The following EDARADD variants were observed in gnomAD, a reference collection of about 807,000 sequenced individuals.
EDARADD encodes EDAR associated via death domain.
Under a neutral mutation model 25.6 loss-of-function variants are expected in EDARADD, and 20 were observed. The observed-to-expected ratio is 0.78, with a 90% CI of 0.55 to 1.14. EDARADD has a LOEUF of 1.14. Among genes scored for constraint, EDARADD ranks in the 50% most tolerant of loss-of-function variants. The pLI, the probability that EDARADD is intolerant of heterozygous loss-of-function variation, is 0.00. For synonymous variants in EDARADD, 86 were observed against 94.4 expected (o/e 0.91, Z 0.52); for missense variants, 225 against 270.1 (o/e 0.83, Z 1.17).
At chr1:236,412,675 G>A (rs886418974) in intron 2 of EDARADD, among the ~76,000 whole-genome samples, 13 of 152,104 alleles carry the variant, frequency 8.5e-5, no homozygotes, top group East Asian at 3.9e-4. Context: ...CCAATTCTCA[G>A]CCATTCTCTA....
chr1:236,447,242 C>CTTTCTTT (rs753028993), intron 4 of EDARADD, among the ~76,000 whole-genome samples: 6 of 88,404 alleles, frequency 6.8e-5, no homozygotes, highest in Non-Finnish European at 1.1e-4. Context: ...TCCTTTCTTT[C>CTTTCTTT]CTTTCTTTCC....
At chr1:236,402,823 A>G (rs1032756243) in intron 1 of EDARADD, among the ~76,000 whole-genome samples, 1 of 152,156 alleles carries the variant, frequency 6.6e-6, no homozygotes, top group African/African-American at 2.4e-5. Context: ...GTGATCTTGG[A>G]TACTCAATGT....
Position 236,468,242 on chromosome 1 carries a change from T to C in EDARADD, c.231T>C (p.Asn77=), listed in dbSNP as rs773065240. The C allele has an allele frequency of 1.2e-6, 2 of 1,614,130 alleles. No individual in the cohort carries two copies. The highest frequency in any genetic ancestry group is 1.3e-5 in the African/African-American group (1 of 75,054). Reference sequence around the variant, plus strand: ...TTTTTGGTTTTTAGGGAGAAGAAAATGGCTTTCCAGATAGCACTGGAGATC... The same window carrying C: ...TTTTTGGTTTTTAGGGAGAAGAAAACGGCTTTCCAGATAGCACTGGAGATC... ...NSDMKNQGEE[N]GFPDSTGDPL... Residue 77 remains asparagine (N), a synonymous_variant, in exon 5 of 6, where the codon AAT becomes AAC. Transcript: ENST00000334232.
intron 1 of EDARADD, among the ~76,000 whole-genome samples, chr1:236,402,616 G>A (rs1293859778): frequency 4.6e-5 from 7 of 151,876 alleles, no homozygotes; most frequent in African/African-American, 1.5e-4. Context: ...TCACTGTGTT[G>A]CCCAGGCTGT....
At chr1:236,405,181 C>T (rs753828919) in intron 1 of EDARADD, among the ~76,000 whole-genome samples, 10 of 152,066 alleles carry the variant, frequency 6.6e-5, no homozygotes, top group Admixed American at 2.6e-4. Flanking sequence ...CCCAGTTCCC[C>T]TCTCACTTCA....
chr1:236,391,032 C>T (rs1485872587), upstream of EDARADD, among the ~76,000 whole-genome samples: 1 of 151,892 alleles, frequency 6.6e-6, no homozygotes, highest in African/African-American at 2.4e-5. Context: ...CTGCAACCTC[C>T]CCCTCCTGGG....
Position 236,395,692 on chromosome 1 carries a change from G to A in EDARADD, c.61+1187G>A, listed in dbSNP as rs532978744. On this transcript the variant is annotated intron_variant, in intron 1 of 5. Transcript: ENST00000334232. The surrounding 1 kb of genome is among the most constrained non-coding windows in gnomAD (Gnocchi z 6.9). ...GGACACAGCGCCGCGCCCGCTCCTG[G>A]AGCGAGCACCGCGGGGCGGGAGCTC... is the stretch of plus-strand genomic sequence containing the variant. 33 of 1,548,086 alleles carry A rather than the reference G, an allele frequency of 2.1e-5. No individual in the cohort carries two copies. Among genetic ancestry groups the A allele is most frequent in the African/African-American group, 1.7e-4 (12 of 72,424 alleles).
chr1:236,355,578 C>T (rs1369580660), intron 3 of EDARADD, among the ~76,000 whole-genome samples: 4 of 135,336 alleles, frequency 3.0e-5, no homozygotes, highest in Admixed American at 1.7e-4. Flanking sequence ...GGCACGATCT[C>T]GGCTCACTGC....
At position 236,482,452 on chromosome 1, in the gene EDARADD, G is replaced by C. The variant is rs1351805089; in HGVS notation, c.451G>C (p.Asp151His). 1 of 1,614,120 alleles carries C rather than the reference G, an allele frequency of 6.2e-7. No homozygotes were observed. Among genetic ancestry groups the C allele is most frequent in the Non-Finnish European group, 8.5e-7 (1 of 1,180,062 alleles). The change falls in exon 6 of 6, where the codon GAC becomes CAC. Residue 151 changes from aspartate (D) to histidine (H), a missense_variant. Transcript: ENST00000334232. ...TGCAAGCAAATGGGGGATGTCCTATGACGAATTGTGCTTCCTGGAGCAGAG... is the reference window on the plus strand; with the variant it reads ...TGCAAGCAAATGGGGGATGTCCTATCACGAATTGTGCTTCCTGGAGCAGAG... ...NFASKWGMSY[D>H]ELCFLEQRPQ...
intron 3 of EDARADD, among the ~76,000 whole-genome samples, chr1:236,355,827 A>G (rs1666970119): frequency 6.6e-6 from 1 of 151,660 alleles, no homozygotes; most frequent in Non-Finnish European, 1.5e-5. Flanking sequence ...TCTCTTCTGG[A>G]CCTCACAGCT....
At chr1:236,359,881 T>C (rs1028327342) in intron 3 of EDARADD, among the ~76,000 whole-genome samples, 1 of 152,226 alleles carries the variant, frequency 6.6e-6, no homozygotes, top group Non-Finnish European at 1.5e-5. Context: ...ACCAGCCTCC[T>C]GTTAGAAATA....
chr1:236,456,132 C>T (rs887184779), intron 4 of EDARADD, among the ~76,000 whole-genome samples: 5 of 152,068 alleles, frequency 3.3e-5, no homozygotes, highest in Admixed American at 6.6e-5. Flanking sequence ...CCCAGGCTGG[C>T]GTGCAGTGGC....
intron 3 of EDARADD, among the ~76,000 whole-genome samples, chr1:236,383,819 C>T (rs138654648): frequency 1.1e-4 from 16 of 152,070 alleles, no homozygotes; most frequent in African/African-American, 3.4e-4. Flanking sequence ...GCCTGGGCAA[C>T]GTAGTGATAC....
chr1:236,390,371 C>T (rs1038186351), upstream of EDARADD, among the ~76,000 whole-genome samples: 5 of 151,994 alleles, frequency 3.3e-5, no homozygotes, highest in Non-Finnish European at 5.9e-5. Flanking sequence ...CTGGCTAACA[C>T]GGTGAAACCC....
chr1:236,420,006 C>T (rs1268126125), intron 3 of EDARADD, among the ~76,000 whole-genome samples: 4 of 152,070 alleles, frequency 2.6e-5, no homozygotes, highest in South Asian at 2.1e-4. Flanking sequence ...GGCGATACCC[C>T]GTCTCTACTA....
rs539630637 is a variant in EDARADD at position 236,366,851 on chromosome 1, C to A, written c.-6+16012C>A. On this transcript the variant is annotated intron_variant, in intron 3 of 7. Transcript: ENST00000439430. ...CAGCACTTTGGGAGCCCGAGGTGGG[C>A]GGATCACCTGAGGTCAGGAGTCCGA... 2.0e-5 allele frequency among the ~76,000 whole-genome samples: 3 copies of A among 151,592 alleles called. No homozygotes were observed. The South Asian group carries it at 6.3e-4, about 32-fold the overall frequency.
At chr1:236,432,070 C>A (rs577981121) in intron 4 of EDARADD, among the ~76,000 whole-genome samples, 17 of 152,156 alleles carry the variant, frequency 1.1e-4, no homozygotes, top group African/African-American at 4.1e-4. Context: ...AAAACATTTC[C>A]TAGGACCTTT....
chr1:236,395,598 C>A lies in EDARADD; in HGVS notation c.61+1093C>A. 1.3e-6 allele frequency: 2 copies of A among 1,553,000 alleles called. No individual in the cohort carries two copies. Among genetic ancestry groups the A allele is most frequent in the Non-Finnish European group, 8.7e-7 (1 of 1,151,038 alleles). Reference sequence around the variant, plus strand: ...GCGCCCCGGAGGCCTGCCAGCCCCGCTCGGACGCTCGTTTGCCCCTAACCC... The same window carrying A: ...GCGCCCCGGAGGCCTGCCAGCCCCGATCGGACGCTCGTTTGCCCCTAACCC... On this transcript the variant is annotated intron_variant, in intron 1 of 5. Coordinates refer to ENST00000334232, the MANE Select transcript of EDARADD (RefSeq NM_145861.4). The surrounding 1 kb of genome is among the most constrained non-coding windows in gnomAD (Gnocchi z 6.9).
chr1:236,379,097 C>T lies in EDARADD; in HGVS notation c.-6+28258C>T, dbSNP rs12077799. On this transcript the variant is annotated intron_variant, in intron 3 of 7. Coordinates refer to the EDARADD transcript ENST00000439430. ...TTAAACAACTAAAGTCAGTCGGGCG[C>T]GGTGGCTCACACCTGTAATCCCAGC... 7.7e-3 allele frequency among the ~76,000 whole-genome samples: 1,178 copies of T among 152,190 alleles called. 18 individuals are homozygous for T. The highest frequency in any genetic ancestry group is 0.027 in the African/African-American group (1,111 of 41,522).
Sources: allele counts gnomAD v4.1 joint callset (sites outside exome capture counted in the v4.1 genomes callset), GRCh38; gene constraint gnomAD v4.1.1; non-coding constraint Gnocchi (gnomAD v3.1); transcripts MANE v1.5; gene names NCBI Gene and HGNC (gene_info 2026-07-23, HGNC 2026-07-21).